Variants in ZNF385D observed in about 807,000 individuals in gnomAD.
ZNF385D encodes zinc finger protein 385D, also known as zinc finger protein 659.
Under a neutral mutation model 35.8 loss-of-function variants are expected in ZNF385D, and 15 were observed. The ratio of observed to expected loss-of-function variants is 0.42; its 90% CI spans 0.28 to 0.64. ZNF385D has a LOEUF of 0.64. Among genes scored for constraint, ZNF385D ranks in the 30% least tolerant of loss-of-function variants. The pLI is 0.23. For synonymous variants in ZNF385D, 212 were observed against 186.8 expected (o/e 1.13, Z -1.10); for missense variants, 474 against 494.6 (o/e 0.96, Z 0.39).
At chr3:21,598,292 G>A (rs1317885920) in intron 2 of ZNF385D, among the ~76,000 whole-genome samples, 3 of 152,118 alleles carry the variant, frequency 2.0e-5, no homozygotes, top group Non-Finnish European at 2.9e-5. Flanking sequence ...TTAAAATAGT[G>A]TTTCAAAAAG....
At chr3:22,319,139 C>T (rs940345367) in intron 2 of ZNF385D, among the ~76,000 whole-genome samples, 2 of 151,978 alleles carry the variant, frequency 1.3e-5, no homozygotes, top group Admixed American at 6.6e-5. Flanking sequence ...TCTTAAAAGA[C>T]AATAGATGAT....
chr3:21,857,730 T>C (rs895671483), intron 3 of ZNF385D, among the ~76,000 whole-genome samples: 4 of 151,936 alleles, frequency 2.6e-5, no homozygotes, highest in African/African-American at 9.7e-5. Flanking sequence ...ACTCTCTTAC[T>C]GATGCTGTTA....
rs547013552 is a variant in ZNF385D, at chr3:21,823,491, ATAGTATATAAACACATT to A, written c.326-158480_326-158464del. Among the ~76,000 whole-genome samples, 396 of 152,310 alleles carry A rather than the reference ATAGTATATAAACACATT, an allele frequency of 2.6e-3. 2 individuals are homozygous for A. The highest frequency in any genetic ancestry group is 9.2e-3 in the African/African-American group (382 of 41,574). ...CGGACGCAGCACACTCACCGTGTAT[ATAGTATATAAACACATT>A]TTGTTTTAATTCACTTCTCTTTTCA... On this transcript the variant is annotated intron_variant, in intron 3 of 5. Transcript: ENST00000494108.
chr3:21,481,631 C>T (rs539719840), intron 4 of ZNF385D, among the ~76,000 whole-genome samples: 37 of 152,084 alleles, frequency 2.4e-4, no homozygotes, highest in African/African-American at 7.2e-4. Flanking sequence ...TGGCCTCAAG[C>T]GATCTTCCCA....
intron 3 of ZNF385D, among the ~76,000 whole-genome samples, chr3:21,923,182 C>T (rs575376931): frequency 6.6e-6 from 1 of 152,108 alleles, no homozygotes; most frequent in African/African-American, 2.4e-5. Flanking sequence ...ATCCCTCCCC[C>T]ATCCCCCCAC....
chr3:21,966,897 C>T (rs1300482253), intron 3 of ZNF385D, among the ~76,000 whole-genome samples: 1 of 152,162 alleles, frequency 6.6e-6, no homozygotes. Context: ...AGCCACAGCC[C>T]CTGGCCTAGC....
chr3:21,681,202 T>G (rs1241115665), intron 1 of ZNF385D, among the ~76,000 whole-genome samples: 1 of 144,804 alleles, frequency 6.9e-6, no homozygotes, highest in East Asian at 2.0e-4. Flanking sequence ...CCTGATAACG[T>G]AGGAATATGG....
chr3:21,648,475 AGGCAGTTCTTAC>A (rs1359296124), intron 2 of ZNF385D, among the ~76,000 whole-genome samples: 3 of 152,188 alleles, frequency 2.0e-5, no homozygotes, highest in Non-Finnish European at 4.4e-5. Flanking sequence ...TAGGACATGT[AGGCAGTTCTTAC>A]AGAACTGCTG....
chr3:22,288,429 CTTTCA>C (rs1370271094), intron 2 of ZNF385D, among the ~76,000 whole-genome samples: 2 of 146,528 alleles, frequency 1.4e-5, no homozygotes, highest in Non-Finnish European at 3.0e-5. Flanking sequence ...CATCTTCCAT[CTTTCA>C]TTTATTTCTT....
intron 2 of ZNF385D, among the ~76,000 whole-genome samples, chr3:22,353,462 C>T (rs1192980003): frequency 2.0e-5 from 3 of 152,130 alleles, no homozygotes; most frequent in Non-Finnish European, 4.4e-5. Flanking sequence ...CCTCCAAGTA[C>T]AGGAGATGTG....
At chr3:21,904,631 C>G (rs1362661715) in intron 3 of ZNF385D, among the ~76,000 whole-genome samples, 2 of 152,052 alleles carry the variant, frequency 1.3e-5, no homozygotes. Flanking sequence ...AGCCCTAATG[C>G]AGAATAACAC....
At chr3:22,120,910 G>A (rs1048927202) in intron 3 of ZNF385D, among the ~76,000 whole-genome samples, 1 of 152,054 alleles carries the variant, frequency 6.6e-6, no homozygotes, top group Admixed American at 6.6e-5. Flanking sequence ...AGAACTTTGA[G>A]ACCATCTTCT....
intron 3 of ZNF385D, among the ~76,000 whole-genome samples, chr3:21,555,873 T>C (rs1456373669): frequency 2.0e-5 from 3 of 152,172 alleles, no homozygotes; most frequent in African/African-American, 7.2e-5. Flanking sequence ...CTTCAGCATG[T>C]GTCATTTCCT....
chr3:21,822,000 T>G (rs1396157692), intron 3 of ZNF385D, among the ~76,000 whole-genome samples: 6 of 151,846 alleles, frequency 4.0e-5, no homozygotes, highest in Non-Finnish European at 8.8e-5. Context: ...AAAAGCTGGT[T>G]TAGCCAACTT....
intron 2 of ZNF385D, among the ~76,000 whole-genome samples, chr3:21,593,242 A>T: frequency 6.6e-6 from 1 of 152,094 alleles, no homozygotes; most frequent in East Asian, 1.9e-4. Flanking sequence ...CTTGGATGTG[A>T]TGGCCAAGGG....
At chr3:21,972,799 T>C (rs1434150684) in intron 3 of ZNF385D, among the ~76,000 whole-genome samples, 4 of 151,868 alleles carry the variant, frequency 2.6e-5, no homozygotes, top group African/African-American at 7.2e-5. Flanking sequence ...TCTGAGCAAC[T>C]ATATGCCAAT....
At chr3:22,062,839 A>G (rs535338485) in intron 3 of ZNF385D, among the ~76,000 whole-genome samples, 7 of 152,324 alleles carry the variant, frequency 4.6e-5, no homozygotes, top group Middle Eastern at 3.4e-3. Flanking sequence ...ACCATGTGCT[A>G]AGTAACAGAG....
chr3:22,183,344 A>G (rs548973972), intron 2 of ZNF385D, among the ~76,000 whole-genome samples: 3 of 152,108 alleles, frequency 2.0e-5, no homozygotes, highest in Admixed American at 1.3e-4. Flanking sequence ...ATGAGAAGTT[A>G]TTTATTTACT....
chr3:22,277,575 TA>T (rs1441546600), intron 2 of ZNF385D, among the ~76,000 whole-genome samples: 1 of 152,168 alleles, frequency 6.6e-6, no homozygotes, highest in African/African-American at 2.4e-5. Context: ...TTTATCATGC[TA>T]TTATAAGACT....
Sources: allele counts gnomAD v4.1 joint callset (sites outside exome capture counted in the v4.1 genomes callset), GRCh38; gene constraint gnomAD v4.1.1; transcripts MANE v1.5; gene names NCBI Gene and HGNC (gene_info 2026-07-23, HGNC 2026-07-21).